The following NUMB variants were observed in gnomAD, a reference collection of about 807,000 sequenced individuals.
The protein encoded by NUMB is NUMB endocytic adaptor protein.
A neutral mutation model predicts 59.7 loss-of-function variants in NUMB; 29 were observed. The ratio of observed to expected loss-of-function variants is 0.49; its 90% CI spans 0.36 to 0.66. The LOEUF is 0.66. Among genes scored for constraint, NUMB ranks in the 30% least tolerant of loss-of-function variants. The pLI is 0.00. For missense variants in NUMB, 723 were observed against 822.0 expected (o/e 0.88, Z 1.47); for synonymous variants, 288 against 288.2 (o/e 1.00, Z 0.01).
chr14:73,340,190 G>A (rs139670704), intron 4 of NUMB, among the ~76,000 whole-genome samples: 3 of 152,344 alleles, frequency 2.0e-5, no homozygotes, highest in South Asian at 4.1e-4. Context: ...GCAGTTCCTT[G>A]CTGCCTCCTA....
At chr14:73,283,925 T>C (rs1888807970) in intron 10 of NUMB, among the ~76,000 whole-genome samples, 156 bp downstream of exon 10, 1 of 152,208 alleles carries the variant, frequency 6.6e-6, no homozygotes, top group Non-Finnish European at 1.5e-5. Flanking sequence ...CCACGGACCT[T>C]AGTTTTCCCA....
intron 4 of NUMB, among the ~76,000 whole-genome samples, chr14:73,350,784 C>T (rs1011303035): frequency 2.6e-5 from 4 of 152,132 alleles, no homozygotes; most frequent in East Asian, 1.9e-4. Flanking sequence ...CCACCTTGGC[C>T]TCCCAAAGTG....
intron 1 of NUMB, among the ~76,000 whole-genome samples, chr14:73,438,148 TAC>T (rs1898135161): frequency 6.6e-6 from 1 of 152,248 alleles, no homozygotes; most frequent in Admixed American, 6.5e-5. Context: ...GAAATGTTAA[TAC>T]ACTTTGACTT....
At chr14:73,403,822 T>A (rs1304280080) in intron 2 of NUMB, among the ~76,000 whole-genome samples, 1 of 151,604 alleles carries the variant, frequency 6.6e-6, no homozygotes, top group African/African-American at 2.4e-5. Flanking sequence ...AGGCCAGGCA[T>A]GGTGGCTCAT....
chr14:73,282,217 A>G (rs1594857356), intron 11 of NUMB, 142 bp downstream of exon 11: 2 of 665,684 alleles, frequency 3.0e-6, no homozygotes, highest in Non-Finnish European at 4.8e-6. Flanking sequence ...GGAGAAATCA[A>G]TGAATCTAAG....
At chr14:73,296,083 T>C (rs1889751853) in intron 7 of NUMB, among the ~76,000 whole-genome samples, 1 of 147,780 alleles carries the variant, frequency 6.8e-6, no homozygotes, top group Non-Finnish European at 1.5e-5. Flanking sequence ...TAAAACATGG[T>C]AAAAGGATAG....
intron 1 of NUMB, among the ~76,000 whole-genome samples, chr14:73,425,551 C>T (rs930772723): frequency 2.0e-5 from 3 of 151,886 alleles, no homozygotes; most frequent in Admixed American, 6.6e-5. Flanking sequence ...CAAAACGTGC[C>T]GTAATTCCCA....
chr14:73,418,427 A>G (rs1897218737), intron 1 of NUMB, among the ~76,000 whole-genome samples: 1 of 152,182 alleles, frequency 6.6e-6, no homozygotes, highest in Non-Finnish European at 1.5e-5. Context: ...TGGTTGCACA[A>G]TAATGTCAAC....
chr14:73,287,365 C>A (rs368308131), intron 8 of NUMB, 51 bp from the exon 9 acceptor site: 15 of 1,414,340 alleles, frequency 1.1e-5, no homozygotes, highest in African/African-American at 7.1e-5. Context: ...CTAACAATTA[C>A]ATACAAATAA....
At chr14:73,369,578 A>G (rs1894561616) in intron 2 of NUMB, among the ~76,000 whole-genome samples, 1 of 152,242 alleles carries the variant, frequency 6.6e-6, no homozygotes, top group Non-Finnish European at 1.5e-5. Flanking sequence ...GAAATGAGTT[A>G]CATACAGCTG....
At chr14:73,335,302 C>CAAAA (rs10556271) in intron 4 of NUMB, among the ~76,000 whole-genome samples, 31 of 100,218 alleles carry the variant, frequency 3.1e-4, no homozygotes, top group African/African-American at 3.4e-4. Flanking sequence ...GCCAAAAAGA[C>CAAAA]AAAAAAAAAA....
intron 1 of NUMB, among the ~76,000 whole-genome samples, chr14:73,437,664 T>C (rs1003419277): frequency 6.6e-6 from 1 of 152,252 alleles, no homozygotes. Context: ...AAAGTAGTGA[T>C]GTTCATTTTA....
chr14:73,454,073 G>A (rs1460176693), intron 1 of NUMB, among the ~76,000 whole-genome samples: 4 of 152,062 alleles, frequency 2.6e-5, no homozygotes, highest in East Asian at 1.9e-4. Flanking sequence ...GGGCGGGGGG[G>A]GAACGGTTGA....
intron 1 of NUMB, among the ~76,000 whole-genome samples, chr14:73,433,134 G>A (rs1897903402): frequency 6.6e-6 from 1 of 151,908 alleles, no homozygotes; most frequent in Admixed American, 6.6e-5. Context: ...TTGAACCTGG[G>A]AGGCAGAGGT....
intron 2 of NUMB, among the ~76,000 whole-genome samples, chr14:73,396,687 A>G (rs541645463): frequency 6.6e-6 from 1 of 152,234 alleles, no homozygotes; most frequent in East Asian, 1.9e-4. Context: ...GTTTTGCAAT[A>G]TGCAACTAAA....
At chr14:73,379,651 G>A (rs1238946309) in intron 2 of NUMB, among the ~76,000 whole-genome samples, 1 of 152,182 alleles carries the variant, frequency 6.6e-6, no homozygotes, top group Non-Finnish European at 1.5e-5. Flanking sequence ...AGGCAGTTGA[G>A]TAGTAAGAGG....
In NUMB at chr14:73,323,182, T is replaced by C; in HGVS notation, c.149A>G (p.Asp50Gly). The change falls in exon 5 of 13, where the codon GAT becomes GGT. Residue 50 changes from aspartate (D) to glycine (G), a missense_variant. Asp to Gly is a moderately conservative substitution (Grantham distance 94, BLOSUM62 -1). Transcript: ENST00000555238. ...PVKYLGHVEV[D>G]ESRGMHICED... ...ACAGATGTGCATTCCTCTTGATTCA[T>C]CAACTTCTACATGGCCAAGGTACTG... 1.2e-6 allele frequency: 2 copies of C among 1,613,496 alleles called. No homozygotes were observed. The highest frequency in any genetic ancestry group is 2.2e-5 in the South Asian group (2 of 91,060).
intron 1 of NUMB, among the ~76,000 whole-genome samples, chr14:73,445,364 A>AAAAAAAAAAAAC (rs1883405369): frequency 1.7e-5 from 1 of 59,356 alleles, no homozygotes; most frequent in East Asian, 2.6e-4. Context: ...CAAAAAAAAA[A>AAAAAAAAAAAAC]AAAAAAAAAA....
At chr14:73,449,376 T>C (rs1883769749) in intron 1 of NUMB, among the ~76,000 whole-genome samples, 1 of 152,192 alleles carries the variant, frequency 6.6e-6, no homozygotes, top group Non-Finnish European at 1.5e-5. Context: ...ATATGTTATA[T>C]AATCTCTAGA....
Sources: gnomAD v4.1 joint callset for allele counts (sites outside exome capture counted in the v4.1 genomes callset) on GRCh38, gnomAD v4.1.1 for gene constraint, MANE v1.5 for transcripts, NCBI Gene and HGNC (gene_info 2026-07-23, HGNC 2026-07-21) for gene names.